Variants in GPR26 observed in about 807,000 individuals in gnomAD.
The protein encoded by GPR26 is G protein-coupled receptor 26.
GPR26 carries 15 observed loss-of-function variants against 23.1 expected under a neutral mutation model. The ratio of observed to expected loss-of-function variants is 0.65; its 90% CI spans 0.43 to 1.00. GPR26 has a LOEUF of 1.00. Ranked by LOEUF, GPR26 falls within the 50% of genes least tolerant of loss-of-function variation. The probability of loss-of-function intolerance (pLI) is 0.00; values close to 1 mark genes in which losing one functional copy is unlikely to be tolerated. For missense variants in GPR26, 359 were observed against 470.5 expected (o/e 0.76, Z 2.19); for synonymous variants, 228 against 222.1 (o/e 1.03, Z -0.24).
At chr10:123,669,110 C>T (rs1372695186) in intron 1 of GPR26, among the ~76,000 whole-genome samples, 1 of 152,254 alleles carries the variant, frequency 6.6e-6, no homozygotes, top group African/African-American at 2.4e-5. Context: ...AGCCCCTGCT[C>T]CCAGTGCCCT....
intron 1 of GPR26, among the ~76,000 whole-genome samples, chr10:123,672,866 C>T (rs933440478): frequency 1.3e-5 from 2 of 152,222 alleles, no homozygotes; most frequent in Admixed American, 1.3e-4. Flanking sequence ...ACCATTTTCC[C>T]ACTGTGTGAT....
chr10:123,671,428 C>T (rs565143812), intron 1 of GPR26, among the ~76,000 whole-genome samples: 35 of 151,962 alleles, frequency 2.3e-4, no homozygotes, highest in Admixed American at 1.7e-3. Flanking sequence ...CACACATGCT[C>T]GCACTCTGGC....
rs909151174 is a variant in GPR26 at position 123,697,173 on chromosome 10, C to T, written c.*9013C>T. ...AGTATTACCAGAAGCCCTCCCAATACGGCAATATTACCTTCTGTGTAATCC... is the reference window on the plus strand; with the variant it reads ...AGTATTACCAGAAGCCCTCCCAATATGGCAATATTACCTTCTGTGTAATCC... On this transcript the variant is annotated 3_prime_UTR_variant, in exon 3 of 3. Transcript: ENST00000284674. Among the ~76,000 whole-genome samples, 13 of 152,194 alleles carry T rather than the reference C, an allele frequency of 8.5e-5. No individual in the cohort carries two copies. The highest frequency in any genetic ancestry group is 2.2e-4 in the African/African-American group (9 of 41,446).
At position 123,695,128 on chromosome 10, in the gene GPR26, G is replaced by T. The variant is rs1245988037; in HGVS notation, c.*6968G>T. Among the ~76,000 whole-genome samples, 2 of 152,228 alleles carry T rather than the reference G, an allele frequency of 1.3e-5. No homozygotes were observed. The highest frequency in any genetic ancestry group is 2.4e-5 in the African/African-American group (1 of 41,470). ...CCTATCTCCGGGTGTTGCCCGTACA[G>T]TGTGTCATGTAAATAGCATCTAGCA... On this transcript the variant is annotated 3_prime_UTR_variant, in exon 3 of 3. Transcript: ENST00000284674.
intron 2 of GPR26, among the ~76,000 whole-genome samples, chr10:123,677,334 C>T (rs1387652058): frequency 6.6e-6 from 1 of 152,182 alleles, no homozygotes; most frequent in Admixed American, 6.5e-5. Context: ...ACAGTTCATC[C>T]TCCATGGGGA....
At chr10:123,682,211 G>A (rs1209407118) in intron 2 of GPR26, among the ~76,000 whole-genome samples, 1 of 152,120 alleles carries the variant, frequency 6.6e-6, no homozygotes, top group African/African-American at 2.4e-5. Flanking sequence ...AAAATTGGTG[G>A]GTTCCCCTGC....
chr10:123,688,034 A>T lies in GPR26; in HGVS notation c.888A>T (p.Leu296Phe). 6.2e-7 allele frequency: 1 copy of T among 1,613,436 alleles called. No homozygotes were observed. Among genetic ancestry groups the T allele is most frequent in the Non-Finnish European group, 8.5e-7 (1 of 1,179,436 alleles). Residue 296 changes from leucine (L) to phenylalanine (F), a missense_variant, in exon 3 of 3, where the codon TTA becomes TTT. Leu to Phe is a conservative substitution (Grantham distance 22). Coordinates refer to ENST00000284674, the MANE Select transcript of GPR26 (RefSeq NM_153442.4). ...KAASDPFVYS[L>F]LRHQYRKSCK... ...CATCCGACCCCTTTGTGTACTCCTT[A>T]CTGCGACACCAGTACCGCAAAAGCT... is the stretch of plus-strand genomic sequence containing the variant.
rs986842277 is a variant in GPR26 at position 123,690,654 on chromosome 10, G to C, written c.*2494G>C. The C allele has an allele frequency of 1.3e-5, 2 of 152,174 alleles. No homozygotes were observed. Among genetic ancestry groups the C allele is most frequent in the Non-Finnish European group, 2.9e-5 (2 of 68,036 alleles). 9.4% of individuals were successfully genotyped at this position (152,174 alleles called of 1,614,324 possible). ...TATTTTCATTATTATTTGGACACAT[G>C]AATTAAATCCCAAGGGAAAGTGAGA... On this transcript the variant is annotated 3_prime_UTR_variant, in exon 3 of 3. Transcript: ENST00000284674.
intron 2 of GPR26, among the ~76,000 whole-genome samples, chr10:123,680,827 T>G (rs865855925): frequency 0.025 from 2,390 of 95,080 alleles, 82 homozygotes; most frequent in East Asian, 0.091. Context: ...TTTGTTTTTT[T>G]GGGGGGGGGG....
rs1296415053 is a variant in GPR26 at position 123,674,159 on chromosome 10, C to T, written c.669-659C>T. Among the ~76,000 whole-genome samples, 9 of 152,082 alleles carry T rather than the reference C, an allele frequency of 5.9e-5. No homozygotes were observed. Among genetic ancestry groups the T allele is most frequent in the African/African-American group, 1.7e-4 (7 of 41,426 alleles). ...TTTTGGTACAGGCGAGGTTTCACCA[C>T]GTTGGCCAGGCTGGTCTCAAACTCC... On this transcript the variant is annotated intron_variant, in intron 1 of 2. Transcript: ENST00000284674. The surrounding 1 kb of genome is among the most constrained non-coding windows in gnomAD (Gnocchi z 4.1).
intron 2 of GPR26, among the ~76,000 whole-genome samples, chr10:123,682,383 C>T (rs1466439473): frequency 1.3e-5 from 2 of 152,304 alleles, no homozygotes; most frequent in East Asian, 1.9e-4. Context: ...CACTTGTGTA[C>T]TGGGGCACAC....
chr10:123,680,611 A>G (rs941051312), intron 2 of GPR26, among the ~76,000 whole-genome samples: 1 of 152,176 alleles, frequency 6.6e-6, no homozygotes, highest in Non-Finnish European at 1.5e-5. Flanking sequence ...TAGAAATAAA[A>G]ATCAAAACCC....
At chr10:123,667,205 C>A in intron 1 of GPR26, 130 bp downstream of exon 1, 1 of 740,906 alleles carries the variant, frequency 1.3e-6, no homozygotes, top group Non-Finnish European at 2.1e-6. Context: ...GTGGGGAAAG[C>A]GGCCCAGCTG....
chr10:123,670,656 C>T (rs573544441), intron 1 of GPR26, among the ~76,000 whole-genome samples: 1 of 152,302 alleles, frequency 6.6e-6, no homozygotes, highest in African/African-American at 2.4e-5. Context: ...TAACCAGCAC[C>T]ACGAGGGGCC....
In GPR26 at chr10:123,679,606, G is replaced by A. The variant is rs943479399; in HGVS notation, c.782+4675G>A. 2.1e-5 allele frequency among the ~76,000 whole-genome samples: 3 copies of A among 142,668 alleles called. No individual in the cohort carries two copies. The Admixed American group carries it at 2.1e-4, about 10-fold the overall frequency. 93.6% of individuals were successfully genotyped at this position (142,668 alleles called of 152,430 possible). ...CCCATTTTACTGCTGGAGGAACTGA[G>A]GACTGGGGTCAGGGAGTGTTTGAAT... On this transcript the variant is annotated intron_variant, in intron 2 of 2. Coordinates refer to ENST00000284674, the MANE Select transcript of GPR26 (RefSeq NM_153442.4).
At chr10:123,685,931 C>T (rs1564733281) in intron 2 of GPR26, among the ~76,000 whole-genome samples, 2 of 152,268 alleles carry the variant, frequency 1.3e-5, no homozygotes, top group East Asian at 1.9e-4. Context: ...CATAAGTGCT[C>T]GGCCCAAAGG....
rs1845469233 is a variant in GPR26 at position 123,689,539 on chromosome 10, CT to C, written c.*1380del. On this transcript the variant is annotated 3_prime_UTR_variant, in exon 3 of 3. Transcript: ENST00000284674. ...AGAGCAGTTATTTTTCAATCCTCCA[CT>C]CTAAGTGATTCCTCCAGGGTGGGAA... The C allele has an allele frequency of 6.6e-6, 1 of 152,218 alleles. No individual in the cohort carries two copies. The highest frequency in any genetic ancestry group is 2.4e-5 in the African/African-American group (1 of 41,456). The allele number at this position is 152,218 out of a possible 1,614,324, so 9.4% of individuals were successfully genotyped here.
chr10:123,675,993 C>T (rs1384827484), intron 2 of GPR26, among the ~76,000 whole-genome samples: 1 of 152,128 alleles, frequency 6.6e-6, no homozygotes, highest in East Asian at 1.9e-4. Flanking sequence ...AGGAGGGGGC[C>T]CTGTGGACAG....
At chr10:123,675,239 G>A (rs955599898) in intron 2 of GPR26, among the ~76,000 whole-genome samples, 3 of 152,106 alleles carry the variant, frequency 2.0e-5, no homozygotes, top group African/African-American at 7.2e-5. Flanking sequence ...AGAAGGAGAG[G>A]GTGAGAGAAG....
Sources: gnomAD v4.1 joint callset for allele counts (sites outside exome capture counted in the v4.1 genomes callset) on GRCh38, gnomAD v4.1.1 for gene constraint, Gnocchi (gnomAD v3.1) non-coding constraint, MANE v1.5 for transcripts, NCBI Gene and HGNC (gene_info 2026-07-23, HGNC 2026-07-21) for gene names.